The following DLG2 variants were observed in gnomAD, a reference collection of about 807,000 sequenced individuals.
The protein encoded by DLG2 is discs large MAGUK scaffold protein 2, also known as disks large homolog 2.
Under a neutral mutation model 132.5 loss-of-function variants are expected in DLG2, and 45 were observed. The observed-to-expected ratio is 0.34, with a 90% confidence interval of 0.27 to 0.44. The LOEUF (loss-of-function observed/expected upper bound fraction) is 0.44. DLG2 is among the 20% of genes least tolerant of loss of function. DLG2 has a pLI of 1.00. For synonymous variants in DLG2, 424 were observed against 419.6 expected (o/e 1.01, Z -0.13); for missense variants, 1,045 against 1,196.9 (o/e 0.87, Z 1.87).
intron 6 of DLG2, among the ~76,000 whole-genome samples, chr11:85,064,054 T>C (rs531329803): frequency 1.3e-5 from 2 of 152,000 alleles, no homozygotes; most frequent in East Asian, 3.9e-4. Flanking sequence ...TGGGTATGTT[T>C]GTTAAAAAAC....
intron 10 of DLG2, among the ~76,000 whole-genome samples, chr11:84,062,114 T>C (rs942391442): frequency 2.0e-5 from 3 of 152,214 alleles, no homozygotes; most frequent in Non-Finnish European, 4.4e-5. Context: ...CTCTATTTTT[T>C]TCCTTTTGTA....
intron 18 of DLG2, among the ~76,000 whole-genome samples, chr11:83,735,794 G>A (rs1320653020): frequency 6.6e-6 from 1 of 152,172 alleles, no homozygotes; most frequent in Non-Finnish European, 1.5e-5. Flanking sequence ...CCCTTTCTAA[G>A]TGAACTACAG....
chr11:85,339,450 A>G (rs1380435051), intron 3 of DLG2, among the ~76,000 whole-genome samples: 2 of 152,212 alleles, frequency 1.3e-5, no homozygotes, highest in Non-Finnish European at 2.9e-5. Flanking sequence ...TCCCTCCAGA[A>G]GGGTTATATC....
chr11:84,273,385 C>A lies in DLG2; in HGVS notation c.520-22094G>T. The A allele has an allele frequency of 2.3e-6, 3 of 1,279,000 alleles. No homozygotes were observed. In the South Asian group the frequency reaches 7.5e-5, roughly 32 times the overall value. 79.2% of individuals were successfully genotyped at this position (1,279,000 alleles called of 1,614,324 possible). A position where few individuals can be genotyped will look rare whatever the true frequency, so the allele number is the denominator to read the frequency against. On this transcript the variant is annotated intron_variant, in intron 7 of 27. Transcript: ENST00000376104. ...TTAGATCTGCTACACAAACTGCTAT[C>A]TTAAGACTTAAAAAAAAAGTTAATC...
At chr11:84,210,982 T>C (rs1435441212) in intron 8 of DLG2, among the ~76,000 whole-genome samples, 5 of 152,196 alleles carry the variant, frequency 3.3e-5, no homozygotes, top group African/African-American at 7.2e-5. Context: ...CTGTATATAA[T>C]TGTACTTCAC....
chr11:84,953,095 A>C (rs1272996838), intron 6 of DLG2, among the ~76,000 whole-genome samples: 1 of 152,142 alleles, frequency 6.6e-6, no homozygotes, highest in African/African-American at 2.4e-5. Flanking sequence ...TATCACAATT[A>C]TCATCCTGGC....
intron 18 of DLG2, among the ~76,000 whole-genome samples, chr11:83,724,474 T>TGAGA (rs780541498): frequency 4.1e-3 from 428 of 103,438 alleles, no homozygotes; most frequent in Middle Eastern, 0.01. Context: ...TGTGTGTGTG[T>TGAGA]GTGAGAGAGA....
At chr11:83,844,919 A>T (rs2058331066) in intron 16 of DLG2, among the ~76,000 whole-genome samples, 1 of 152,122 alleles carries the variant, frequency 6.6e-6, no homozygotes, top group Non-Finnish European at 1.5e-5. Flanking sequence ...AATATAATTT[A>T]TCCTAGTGTT....
chr11:83,787,898 C>T (rs1056173457), intron 17 of DLG2, among the ~76,000 whole-genome samples: 1 of 152,150 alleles, frequency 6.6e-6, no homozygotes, highest in Admixed American at 6.5e-5. Flanking sequence ...TAAGTGCTCT[C>T]CAATGACAGA....
At chr11:85,066,890 T>C (rs2065009668) in intron 6 of DLG2, among the ~76,000 whole-genome samples, 2 of 151,796 alleles carry the variant, frequency 1.3e-5, no homozygotes, top group African/African-American at 4.8e-5. Context: ...ATGCTCACTT[T>C]TACCACTTCT....
At chr11:84,727,766 A>G (rs2062663655) in intron 6 of DLG2, among the ~76,000 whole-genome samples, 1 of 152,088 alleles carries the variant, frequency 6.6e-6, no homozygotes, top group East Asian at 1.9e-4. Flanking sequence ...GTCCTCTCTT[A>G]TTTCCTTGAG....
intron 5 of DLG2, among the ~76,000 whole-genome samples, chr11:85,151,483 G>T (rs907996222): frequency 1.3e-5 from 2 of 151,466 alleles, no homozygotes; most frequent in Admixed American, 6.6e-5. Flanking sequence ...TAGTTTTATA[G>T]TTTAAATATT....
At chr11:85,382,384 C>T (rs2085964194) in intron 3 of DLG2, among the ~76,000 whole-genome samples, 1 of 151,974 alleles carries the variant, frequency 6.6e-6, no homozygotes, top group Non-Finnish European at 1.5e-5. Context: ...GGATGAAATA[C>T]CCAAATTTAA....
chr11:84,699,708 G>T (rs1206213655), intron 6 of DLG2, among the ~76,000 whole-genome samples: 2 of 151,512 alleles, frequency 1.3e-5, no homozygotes, highest in Non-Finnish European at 1.5e-5. Flanking sequence ...AATGGGCTGG[G>T]TACTGACTCT....
chr11:85,624,062 AG>A (rs2081905374), intron 2 of DLG2, among the ~76,000 whole-genome samples: 1 of 152,214 alleles, frequency 6.6e-6, no homozygotes, highest in African/African-American at 2.4e-5. Flanking sequence ...GCAACTGCTG[AG>A]GAAAAAAAAC....
chr11:84,634,083 C>G (rs766317171), intron 6 of DLG2, among the ~76,000 whole-genome samples: 44 of 152,148 alleles, frequency 2.9e-4, no homozygotes, highest in East Asian at 1.3e-3. Context: ...CTTGAGGCAT[C>G]TGCAGCTTGG....
chr11:83,915,049 G>T (rs1414727109), intron 15 of DLG2, among the ~76,000 whole-genome samples: 2 of 152,080 alleles, frequency 1.3e-5, no homozygotes, highest in African/African-American at 2.4e-5. Context: ...AGTCTGAGAT[G>T]CAAGCACAAC....
chr11:84,769,293 A>G (rs914170472), intron 6 of DLG2, among the ~76,000 whole-genome samples: 2 of 152,172 alleles, frequency 1.3e-5, no homozygotes, highest in Non-Finnish European at 2.9e-5. Context: ...TAAAAGAATC[A>G]TTCAGTTCTT....
At chr11:84,162,454 T>G (rs941741377) in intron 9 of DLG2, among the ~76,000 whole-genome samples, 1 of 151,944 alleles carries the variant, frequency 6.6e-6, no homozygotes, top group African/African-American at 2.4e-5. Flanking sequence ...AAAGTATTAT[T>G]TCAGTATATT....
Sources: allele counts gnomAD v4.1 joint callset (sites outside exome capture counted in the v4.1 genomes callset), GRCh38; gene constraint gnomAD v4.1.1; transcripts MANE v1.5; gene names NCBI Gene and HGNC (gene_info 2026-07-23, HGNC 2026-07-21).